Variants in KTN1 observed in about 807,000 individuals in gnomAD.
KTN1 encodes the protein kinectin 1, also known as kinectin.
Under a neutral mutation model 222.5 loss-of-function variants are expected in KTN1, and 130 were observed. The ratio of observed to expected loss-of-function variants is 0.58; its 90% CI spans 0.51 to 0.68. KTN1 has a LOEUF of 0.68. Ranked by LOEUF, KTN1 falls within the 30% of genes least tolerant of loss-of-function variation. KTN1 has a pLI of 0.00. For synonymous variants in KTN1, 512 were observed against 496.3 expected (o/e 1.03, Z -0.42); for missense variants, 1,508 against 1,500.4 (o/e 1.01, Z -0.08).
At chr14:55,629,652 A>G (rs1304954859) in intron 6 of KTN1, among the ~76,000 whole-genome samples, 4 of 152,200 alleles carry the variant, frequency 2.6e-5, no homozygotes, top group African/African-American at 9.7e-5. Flanking sequence ...TCGTGTAATC[A>G]AGTTAGAATG....
intron 14 of KTN1, 143 bp downstream of exon 14, chr14:55,640,146 A>G: frequency 1.5e-6 from 1 of 670,920 alleles, no homozygotes; most frequent in Admixed American, 3.0e-5. Context: ...AAACTACAAA[A>G]TTCTCTAGCT....
At position 55,659,345 on chromosome 14, in the gene KTN1, TTTATG is replaced by T. The variant is rs2043859284; in HGVS notation, c.2962-319_2962-315del. On this transcript the variant is annotated intron_variant, in intron 30 of 43. Coordinates refer to ENST00000395314, the MANE Select transcript of KTN1 (RefSeq NM_001079521.2). ...TTTTTTAACTTGGAAGCTTAACAGT[TTTATG>T]TAGTCAAATTTGAATTGTGCAGTTT... Among the ~76,000 whole-genome samples, 3 of 151,860 alleles carry T rather than the reference TTTATG, an allele frequency of 2.0e-5. No individual in the cohort carries two copies. The South Asian group carries it at 6.2e-4, about 32-fold the overall frequency.
At position 55,677,233 on chromosome 14, in the gene KTN1, T is replaced by G. The variant is rs544635171; in HGVS notation, c.3856-1119T>G. ...GCTCACGCCTGTAATCCCAGTACTT[T>G]GGGAGGCCAAGGTGGGCGGATCACC... On this transcript the variant is annotated intron_variant, in intron 41 of 43. Transcript: ENST00000395314. 1.2e-4 allele frequency among the ~76,000 whole-genome samples: 18 copies of G among 152,236 alleles called. 1 individual carries two copies. The South Asian group carries it at 3.7e-3, about 32-fold the overall frequency.
At chr14:55,589,092 C>A (rs193239188) in intron 1 of KTN1, among the ~76,000 whole-genome samples, 2 of 152,156 alleles carry the variant, frequency 1.3e-5, no homozygotes, top group Non-Finnish European at 2.9e-5. Flanking sequence ...GAGGCATTTA[C>A]CTTGTCTGAG....
intron 1 of KTN1, among the ~76,000 whole-genome samples, chr14:55,588,070 T>C (rs1443835130): frequency 6.6e-6 from 1 of 152,226 alleles, no homozygotes; most frequent in Non-Finnish European, 1.5e-5. Context: ...GAAATGTTTG[T>C]ATAACTTTTG....
rs139479485 is a variant in KTN1, at chr14:55,642,361, T to C, written c.2172+601T>C. Among the ~76,000 whole-genome samples the C allele has an allele frequency of 5.8e-3, 876 of 152,306 alleles. 3 individuals are homozygous for C. Among genetic ancestry groups the C allele is most frequent in the Non-Finnish European group, 8.9e-3 (604 of 68,018 alleles). On this transcript the variant is annotated intron_variant, in intron 18 of 43. Transcript: ENST00000395314. Reference sequence around the variant, plus strand: ...TCTCCATCCCCTGCCACCATCACTATTCATTTTATATTTATAGCAAGACAT... The same window carrying C: ...TCTCCATCCCCTGCCACCATCACTACTCATTTTATATTTATAGCAAGACAT...
intron 43 of KTN1, 165 bp downstream of exon 43, chr14:55,679,850 T>C: frequency 1.4e-6 from 1 of 710,976 alleles, no homozygotes; most frequent in Non-Finnish European, 2.3e-6. Context: ...TAGTTCTATT[T>C]TGTGCATATC....
At chr14:55,669,034 C>G (rs1420973948) in intron 34 of KTN1, among the ~76,000 whole-genome samples, 1 of 151,966 alleles carries the variant, frequency 6.6e-6, no homozygotes, top group East Asian at 1.9e-4. Context: ...TAAATTGAAC[C>G]TAAGAGAAAG....
chr14:55,611,942 C>G (rs888635354), intron 1 of KTN1, 77 bp from the exon 2 acceptor site: 7 of 583,530 alleles, frequency 1.2e-5, no homozygotes, highest in African/African-American at 1.9e-5. Flanking sequence ...CTTGAAAGAG[C>G]AGCAGTTTTG....
intron 9 of KTN1, among the ~76,000 whole-genome samples, chr14:55,634,891 G>A (rs2040940314): frequency 6.6e-6 from 1 of 152,094 alleles, no homozygotes; most frequent in Non-Finnish European, 1.5e-5. Context: ...GAAATGCCGA[G>A]CGAGGGGGAA....
chr14:55,591,331 A>G (rs17128603), intron 1 of KTN1, among the ~76,000 whole-genome samples: 3,565 of 152,256 alleles, frequency 0.023, 152 homozygotes, highest in African/African-American at 0.082. Flanking sequence ...ACTAGAGTGT[A>G]GATAGTTTTG....
At chr14:55,653,518 T>G (rs776352405) in intron 27 of KTN1, 41 bp from the exon 28 acceptor site, 10 of 1,542,936 alleles carry the variant, frequency 6.5e-6, no homozygotes, top group Non-Finnish European at 8.0e-6. Context: ...CAACATAACA[T>G]TTAATGCTAA....
chr14:55,637,679 A>G, intron 11 of KTN1, 100 bp from the exon 12 acceptor site: 2 of 850,556 alleles, frequency 2.4e-6, no homozygotes, highest in Non-Finnish European at 3.6e-6. Flanking sequence ...AAAAAAAAAA[A>G]AGAAAAAGAT....
chr14:55,672,466 A>G, intron 37 of KTN1, 164 bp from the exon 38 acceptor site: 1 of 535,642 alleles, frequency 1.9e-6, no homozygotes, highest in Non-Finnish European at 3.3e-6. Flanking sequence ...ATTTAAATCA[A>G]GTTCAATGTG....
rs150866311 is a variant in KTN1 at position 55,616,521 on chromosome 14, C to T, written c.528C>T (p.Asp176=). ...GQKKSKNGSD[D]QDKKVETLMV... is the part of the protein sequence containing the mutation. ...TTTTGTTTGTGTTTAATAAAGATGA[C>T]CAGGATAAAAAGGTGGAAACTCTCA... The change falls in exon 3 of 44, where the codon GAC becomes GAT. Residue 176 remains aspartate (D), a synonymous_variant. Coordinates refer to ENST00000395314, the MANE Select transcript of KTN1 (RefSeq NM_001079521.2). The T allele has an allele frequency of 1.8e-4, 283 of 1,567,422 alleles. 2 individuals are homozygous for T. The highest frequency in any genetic ancestry group is 6.3e-4 in the South Asian group (52 of 83,180).
intron 1 of KTN1, among the ~76,000 whole-genome samples, chr14:55,591,380 A>G (rs974970169): frequency 5.3e-5 from 8 of 152,140 alleles, no homozygotes; most frequent in African/African-American, 1.9e-4. Flanking sequence ...GCTGGATTGT[A>G]GGAGACAAGA....
intron 1 of KTN1, among the ~76,000 whole-genome samples, chr14:55,610,991 A>T (rs1161241550): frequency 1.3e-5 from 2 of 152,238 alleles, no homozygotes; most frequent in Non-Finnish European, 1.5e-5. Flanking sequence ...TTTCGGTAGG[A>T]TGTTGATGGC....
chr14:55,585,905 T>G (rs2032885093), intron 1 of KTN1, among the ~76,000 whole-genome samples: 1 of 152,234 alleles, frequency 6.6e-6, no homozygotes, highest in Admixed American at 6.5e-5. Context: ...TTATTTACCC[T>G]TATTTCTTTA....
intron 12 of KTN1, among the ~76,000 whole-genome samples, chr14:55,638,729 A>C (rs918634552): frequency 1.1e-4 from 16 of 151,888 alleles, no homozygotes; most frequent in Non-Finnish European, 1.6e-4. Context: ...AAGTAGCTCT[A>C]AAAAATTTAT....
Sources: allele counts gnomAD v4.1 joint callset (sites outside exome capture counted in the v4.1 genomes callset), GRCh38; gene constraint gnomAD v4.1.1; transcripts MANE v1.5; gene names NCBI Gene and HGNC (gene_info 2026-07-23, HGNC 2026-07-21).